HDAC1: variants seen among roughly 807,000 people sequenced by gnomAD.
The protein encoded by HDAC1 is histone deacetylase 1.
Under a neutral mutation model 65.5 loss-of-function variants are expected in HDAC1, and 18 were observed. That is an observed-to-expected ratio of 0.27 (90% CI 0.19 to 0.41). The LOEUF is 0.41. Ranked by LOEUF, HDAC1 falls within the 10% of genes least tolerant of loss-of-function variation. HDAC1 has a pLI of 1.00. For missense variants in HDAC1, 373 were observed against 625.2 expected (o/e 0.60, Z 4.30); for synonymous variants, 211 against 227.9 (o/e 0.93, Z 0.67).
chr1:32,320,808 G>A (rs1274511803), intron 3 of HDAC1, among the ~76,000 whole-genome samples: 1 of 142,886 alleles, frequency 7.0e-6, no homozygotes, highest in African/African-American at 2.6e-5. Context: ...GCTGAGGCAT[G>A]AGAATTGTTT....
intron 2 of HDAC1, among the ~76,000 whole-genome samples, chr1:32,312,217 T>G (rs1451864842): frequency 6.6e-6 from 1 of 152,158 alleles, no homozygotes; most frequent in Non-Finnish European, 1.5e-5. Context: ...TAAGTGAGGA[T>G]TAAATGAGAG....
Position 32,330,185 on chromosome 1 carries a change from G to A in HDAC1, c.730-393G>A, listed in dbSNP as rs1212464682. ...CGTTAGACTCTGCTTGTGAGAATAA[G>A]ATAAACTAAAAGTGCTTGCTCATAA... On this transcript the variant is annotated intron_variant, in intron 7 of 13. Transcript: ENST00000373548. This position sits in a 1 kb window ranked among gnomAD's most constrained non-coding sequence, Gnocchi z 4.2. The A allele has an allele frequency of 4.7e-6, 1 of 213,416 alleles. No individual in the cohort carries two copies. Among genetic ancestry groups the A allele is most frequent in the African/African-American group, 2.3e-5 (1 of 43,264 alleles). 13.2% of individuals were successfully genotyped at this position (213,416 alleles called of 1,614,324 possible). A position where few individuals can be genotyped will look rare whatever the true frequency, so the allele number is the denominator to read the frequency against.
intron 6 of HDAC1, among the ~76,000 whole-genome samples, chr1:32,328,135 C>G (rs538858777): frequency 6.6e-6 from 1 of 152,256 alleles, no homozygotes; most frequent in East Asian, 1.9e-4. Flanking sequence ...CTTACTGAAG[C>G]CCATCCATGA....
intron 4 of HDAC1, among the ~76,000 whole-genome samples, chr1:32,325,922 G>A (rs1337664485): frequency 6.6e-6 from 1 of 151,964 alleles, no homozygotes; most frequent in Non-Finnish European, 1.5e-5. Flanking sequence ...AGCTACTTGG[G>A]AGGCTGAGGC....
chr1:32,311,108 G>A (rs1436922591), intron 2 of HDAC1, among the ~76,000 whole-genome samples: 2 of 152,206 alleles, frequency 1.3e-5, no homozygotes, highest in Non-Finnish European at 2.9e-5. Flanking sequence ...AGATTTGACA[G>A]ATAATACATT....
At chr1:32,324,284 TA>T (rs1412064248) in intron 3 of HDAC1, among the ~76,000 whole-genome samples, 194 bp from the exon 4 acceptor site, 1 of 151,908 alleles carries the variant, frequency 6.6e-6, no homozygotes, top group Non-Finnish European at 1.5e-5. Flanking sequence ...CCCCTGGCTC[TA>T]AAAAATAAAA....
At position 32,333,069 on chromosome 1, in the gene HDAC1, C is replaced by T. The variant is rs370838474; in HGVS notation, c.*25C>T. The T allele has an allele frequency of 9.3e-6, 15 of 1,604,306 alleles. No homozygotes were observed. Among genetic ancestry groups the T allele is most frequent in the East Asian group, 8.9e-5 (4 of 44,834 alleles). On this transcript the variant is annotated 3_prime_UTR_variant, in exon 14 of 14. Coordinates refer to ENST00000373548, the MANE Select transcript of HDAC1 (RefSeq NM_004964.3). ...AATGGACCTCTCCAGCTCTGGCTTC[C>T]TGCTGAGTCCCTCACGTTTCTTCCC...
chr1:32,333,139 TA>T lies in HDAC1; in HGVS notation c.*100del. The T allele has an allele frequency of 9.9e-7, 1 of 1,011,226 alleles. No individual in the cohort carries two copies. Among genetic ancestry groups the T allele is most frequent in the Non-Finnish European group, 1.4e-6 (1 of 691,872 alleles). The allele number at this position is 1,011,226 out of a possible 1,614,324, so 62.6% of individuals were successfully genotyped here. ...TTTTCTATTTCTCTGTGTATTTATA[TA>T]AAAATTTATTAAATATAAATATCCC... On this transcript the variant is annotated 3_prime_UTR_variant, in exon 14 of 14. Transcript: ENST00000373548.
At position 32,294,804 on chromosome 1, in the gene HDAC1, G is replaced by A. The variant is rs1031150531; in HGVS notation, c.49+2586G>A. On this transcript the variant is annotated intron_variant, in intron 1 of 13. Transcript: ENST00000373548. ...GCTGGGATTACAGGTGTGAGCCACC[G>A]CACCCGGCCCCAACTTTTTTTTTTT... Among the ~76,000 whole-genome samples the A allele has an allele frequency of 3.3e-4, 50 of 150,860 alleles. 1 individual carries two copies. Among genetic ancestry groups the A allele is most frequent in the African/African-American group, 1.2e-3 (49 of 41,136 alleles).
chr1:32,320,286 G>A (rs954761681), intron 3 of HDAC1, among the ~76,000 whole-genome samples: 1 of 151,472 alleles, frequency 6.6e-6, no homozygotes, highest in African/African-American at 2.4e-5. Flanking sequence ...AGGAAGTTAT[G>A]CTTATGATAA....
intron 2 of HDAC1, among the ~76,000 whole-genome samples, chr1:32,314,269 G>A (rs1641028641): frequency 6.6e-6 from 1 of 152,096 alleles, no homozygotes; most frequent in Non-Finnish European, 1.5e-5. Context: ...ACAGCTCACT[G>A]CAGCCTGGAC....
rs1330299361 is a variant in HDAC1 at position 32,292,226 on chromosome 1, C to T, written c.49+8C>T. The T allele has an allele frequency of 1.3e-6, 2 of 1,548,456 alleles. No individual in the cohort carries two copies. The highest frequency in any genetic ancestry group is 2.0e-5 in the Admixed American group (1 of 50,962). On this transcript the variant is annotated splice_region_variant and intron_variant, in intron 1 of 13. Transcript: ENST00000373548. ...TCTGTTACTACTACGACGGTGAGCA[C>T]CGTCCTCGCGGCGGGGGCGGGGCCA...
intron 1 of HDAC1, chr1:32,292,538 G>T: frequency 6.6e-6 from 4 of 604,712 alleles, no homozygotes; most frequent in Non-Finnish European, 8.3e-6. Flanking sequence ...GAATCTGATG[G>T]AGACGGCTGC....
At position 32,318,224 on chromosome 1, in the gene HDAC1, T is replaced by C. The variant is rs994165744; in HGVS notation, c.280+1442T>C. Among the ~76,000 whole-genome samples, 4 of 152,244 alleles carry C rather than the reference T, an allele frequency of 2.6e-5. No homozygotes were observed. In the East Asian group the frequency reaches 5.8e-4, roughly 22 times the overall value. ...TCGGCTTCCCCAAGTGCTGGGATTA[T>C]AGGCCTGAGCCACTGTGCCCGACCT... On this transcript the variant is annotated intron_variant, in intron 3 of 13. Transcript: ENST00000373548.
chr1:32,300,761 A>G (rs541203426), intron 1 of HDAC1, among the ~76,000 whole-genome samples: 17 of 152,298 alleles, frequency 1.1e-4, no homozygotes, highest in Admixed American at 7.2e-4. Context: ...GGTGAATGTC[A>G]TGTTCAGGAT....
At chr1:32,307,448 T>G (rs1640926773) in intron 2 of HDAC1, among the ~76,000 whole-genome samples, 1 of 152,116 alleles carries the variant, frequency 6.6e-6, no homozygotes, top group African/African-American at 2.4e-5. Context: ...AACAAGGGCT[T>G]CTTGAATACA....
At chr1:32,313,143 T>G (rs959587305) in intron 2 of HDAC1, among the ~76,000 whole-genome samples, 3 of 152,010 alleles carry the variant, frequency 2.0e-5, no homozygotes, top group African/African-American at 7.3e-5. Context: ...TTGCCCAGGC[T>G]GGAACGCAGT....
Position 32,333,084 on chromosome 1 carries a change from C to A in HDAC1, c.*40C>A. The A allele has an allele frequency of 2.6e-6, 4 of 1,552,268 alleles. No homozygotes were observed. Among genetic ancestry groups the A allele is most frequent in the African/African-American group, 1.4e-5 (1 of 73,670 alleles). ...CTCTGGCTTCCTGCTGAGTCCCTCA[C>A]GTTTCTTCCCCAACCCCTCAGATTT... On this transcript the variant is annotated 3_prime_UTR_variant, in exon 14 of 14. Coordinates refer to ENST00000373548, the MANE Select transcript of HDAC1 (RefSeq NM_004964.3).
chr1:32,326,559 A>G (rs895382273), intron 4 of HDAC1, among the ~76,000 whole-genome samples: 2 of 152,136 alleles, frequency 1.3e-5, no homozygotes, highest in Non-Finnish European at 2.9e-5. Flanking sequence ...ATATGCATGC[A>G]TGCACACACT....
Sources: gnomAD v4.1 joint callset for allele counts (sites outside exome capture counted in the v4.1 genomes callset) on GRCh38, gnomAD v4.1.1 for gene constraint, Gnocchi (gnomAD v3.1) non-coding constraint, MANE v1.5 for transcripts, NCBI Gene and HGNC (gene_info 2026-07-23, HGNC 2026-07-21) for gene names.